The following BCO2 variants were observed in gnomAD, a reference collection of about 807,000 sequenced individuals.
BCO2 encodes the protein beta-carotene oxygenase 2.
A neutral mutation model predicts 65.8 loss-of-function variants in BCO2; 56 were observed. That is an observed-to-expected ratio of 0.85 (90% CI 0.69 to 1.06). BCO2 has a LOEUF of 1.06. Among genes scored for constraint, BCO2 ranks in the 50% least tolerant of loss-of-function variants. The pLI is 0.00. For synonymous variants in BCO2, 233 were observed against 242.3 expected (o/e 0.96, Z 0.36); for missense variants, 675 against 698.5 (o/e 0.97, Z 0.38).
intron 8 of BCO2, among the ~76,000 whole-genome samples, chr11:112,202,911 G>A (rs1311988609): frequency 3.3e-5 from 5 of 152,006 alleles, no homozygotes; most frequent in Admixed American, 3.3e-4. Context: ...TTAGCCAGAT[G>A]TGGTGGTGGG....
chr11:112,207,479 A>G (rs1859379333), intron 8 of BCO2, among the ~76,000 whole-genome samples: 1 of 152,224 alleles, frequency 6.6e-6, no homozygotes, highest in East Asian at 1.9e-4. Context: ...GAAGTCAAGT[A>G]TCTGTATATG....
chr11:112,193,658 C>G lies in BCO2; in HGVS notation c.478C>G (p.Arg160Gly). The change falls in exon 3 of 12, where the codon CGT becomes GGT. Residue 160 changes from arginine to glycine, a missense_variant. By Grantham distance (125) the Arg-to-Gly change is moderately radical. Transcript: ENST00000357685. ...GGATCCATGCAAGAATGTTTTTGAACGTTTCATGTCCAGGTTTGAGCTGCC... is the reference window on the plus strand; with the variant it reads ...GGATCCATGCAAGAATGTTTTTGAAGGTTTCATGTCCAGGTTTGAGCTGCC... ...LPDPCKNVFE[R>G]FMSRFELPGK... The G allele has an allele frequency of 1.9e-6, 3 of 1,614,082 alleles. No individual in the cohort carries two copies. Among genetic ancestry groups the G allele is most frequent in the Non-Finnish European group, 2.5e-6 (3 of 1,179,992 alleles).
At chr11:112,215,059 A>G (rs1459821526) in intron 10 of BCO2, 115 bp downstream of exon 10, 2 of 1,008,724 alleles carry the variant, frequency 2.0e-6, no homozygotes, top group African/African-American at 1.6e-5. Context: ...CAGCTGAGCC[A>G]TTTTCTTTTA....
In BCO2 at chr11:112,193,535, G is replaced by A. The variant is rs1184747063; in HGVS notation, c.355G>A (p.Val119Met). ...LHQFRMAKGT[V>M]TYRSKFLQSD... is the part of the protein sequence containing the mutation. ...CCAGTTCAGAATGGCAAAGGGCACA[G>A]TGACATACAGGAGCAAGTTTCTACA... Residue 119 changes from valine (V) to methionine (M), a missense_variant, in exon 3 of 12, where the codon GTG becomes ATG. By Grantham distance (21) the Val-to-Met change is conservative. Coordinates refer to ENST00000357685, the MANE Select transcript of BCO2 (RefSeq NM_031938.7). 6.2e-7 allele frequency: 1 copy of A among 1,614,156 alleles called. No homozygotes were observed. Among genetic ancestry groups the A allele is most frequent in the Non-Finnish European group, 8.5e-7 (1 of 1,180,030 alleles).
intron 5 of BCO2, among the ~76,000 whole-genome samples, chr11:112,196,239 C>T (rs751127461): frequency 6.6e-6 from 1 of 152,010 alleles, no homozygotes; most frequent in Non-Finnish European, 1.5e-5. Context: ...CTAATCCCAA[C>T]GAACACTGAA....
At chr11:112,203,129 T>C (rs941004034) in intron 8 of BCO2, among the ~76,000 whole-genome samples, 1 of 151,782 alleles carries the variant, frequency 6.6e-6, no homozygotes, top group African/African-American at 2.4e-5. Flanking sequence ...CTAGAAGGAA[T>C]AGCAAAGTAG....
At chr11:112,206,244 C>T (rs79919995) in intron 8 of BCO2, among the ~76,000 whole-genome samples, 57,098 of 150,810 alleles carry the variant, frequency 0.38, 11,085 homozygotes, top group South Asian at 0.59. Context: ...GACAGGGCAG[C>T]GGCCGGGCAG....
chr11:112,205,967 A>G (rs188937368), intron 8 of BCO2, among the ~76,000 whole-genome samples: 1 of 152,060 alleles, frequency 6.6e-6, no homozygotes, highest in Non-Finnish European at 1.5e-5. Context: ...TAATTAATTA[A>G]TTAATTTATT....
intron 2 of BCO2, 112 bp downstream of exon 2, chr11:112,179,594 T>G (rs1866975655): frequency 1.0e-6 from 1 of 985,338 alleles, no homozygotes; most frequent in Admixed American, 2.2e-5. Flanking sequence ...TCCATCCCTT[T>G]GATTACAGAT....
chr11:112,185,928 C>T (rs542911584), intron 2 of BCO2, among the ~76,000 whole-genome samples: 26 of 152,296 alleles, frequency 1.7e-4, no homozygotes, highest in African/African-American at 6.3e-4. Context: ...TCCCATTCTT[C>T]CCTTCCTCTA....
chr11:112,205,031 A>AT (rs1294421662), intron 8 of BCO2, among the ~76,000 whole-genome samples: 1 of 152,220 alleles, frequency 6.6e-6, no homozygotes, highest in African/African-American at 2.4e-5. Context: ...TATATAATAC[A>AT]TATGAAATAC....
At chr11:112,211,495 T>G (rs1037345326) in intron 8 of BCO2, among the ~76,000 whole-genome samples, 1 of 152,190 alleles carries the variant, frequency 6.6e-6, no homozygotes, top group Non-Finnish European at 1.5e-5. Context: ...GAAGTGGAAT[T>G]GCTAGATCAT....
rs181961039 is a variant in BCO2 at position 112,193,138 on chromosome 11, C to A, written c.294-336C>A. 2.5e-3 allele frequency among the ~76,000 whole-genome samples: 378 copies of A among 151,542 alleles called. 1 individual carries two copies. Among genetic ancestry groups the A allele is most frequent in the African/African-American group, 8.6e-3 (355 of 41,306 alleles). On this transcript the variant is annotated intron_variant, in intron 2 of 11. Transcript: ENST00000357685. ...GACTACAGGCGCATGCCACCATGCC[C>A]AGTTAATTTTTTGTATTTTTTAGTA...
intron 6 of BCO2, 122 bp from the exon 7 acceptor site, chr11:112,200,491 C>T (rs1867697397): frequency 6.4e-6 from 5 of 776,116 alleles, no homozygotes; most frequent in Non-Finnish European, 1.0e-5. Context: ...GTATTTCTGG[C>T]TGGCATTTGT....
intron 5 of BCO2, among the ~76,000 whole-genome samples, chr11:112,196,917 C>CTTCCCTTCCCTTCCCTTCCT (rs1867597051): frequency 3.0e-5 from 2 of 66,502 alleles, no homozygotes; most frequent in Admixed American, 1.7e-4. Context: ...CCTTTCCTTC[C>CTTCCCTTCCCTTCCCTTCCT]TTCCCTTCCC....
intron 8 of BCO2, among the ~76,000 whole-genome samples, chr11:112,211,319 TACACACACACAC>T (rs71060232): frequency 2.8e-4 from 36 of 128,494 alleles, no homozygotes; most frequent in African/African-American, 9.5e-4. Context: ...TTCGATTGTA[TACACACACACAC>T]ACACACACAC....
chr11:112,192,048 A>G (rs1867406213), intron 2 of BCO2, among the ~76,000 whole-genome samples: 1 of 152,148 alleles, frequency 6.6e-6, no homozygotes, highest in Non-Finnish European at 1.5e-5. Context: ...TTGAATCTCT[A>G]TACTCATTAA....
At position 112,218,400 on chromosome 11, in the gene BCO2, C is replaced by T. The variant is rs1229947702; in HGVS notation, c.*526C>T. The T allele has an allele frequency of 1.7e-5, 3 of 175,866 alleles. No individual in the cohort carries two copies. The highest frequency in any genetic ancestry group is 4.7e-5 in the African/African-American group (2 of 42,482). The allele number at this position is 175,866 out of a possible 1,614,324, so 10.9% of individuals were successfully genotyped here. On this transcript the variant is annotated 3_prime_UTR_variant, in exon 12 of 12. Transcript: ENST00000357685. ...CTTTATAAGAGGTGCGGAAGACTGC[C>T]CTCACTCATCATGGCCTAGCATGTG...
At position 112,188,013 on chromosome 11, in the gene BCO2, A is replaced by G. The variant is rs970774182; in HGVS notation, c.294-5461A>G. On this transcript the variant is annotated intron_variant, in intron 2 of 11. Transcript: ENST00000357685. ...AGTAAGTGCTTGGTAGATGGCACTT[A>G]TCTCACTGGCAAACTTATCTAGATA... is the stretch of plus-strand genomic sequence containing the variant. 5.3e-5 allele frequency among the ~76,000 whole-genome samples: 8 copies of G among 152,144 alleles called. No homozygotes were observed. In the South Asian group the frequency reaches 8.3e-4, roughly 16 times the overall value.
Sources: gnomAD v4.1 joint callset for allele counts (sites outside exome capture counted in the v4.1 genomes callset) on GRCh38, gnomAD v4.1.1 for gene constraint, MANE v1.5 for transcripts, NCBI Gene and HGNC (gene_info 2026-07-23, HGNC 2026-07-21) for gene names.